Variants in MYH13 observed in about 807,000 individuals in gnomAD.
MYH13 encodes the protein myosin-13.
Under a neutral mutation model 232.1 loss-of-function variants are expected in MYH13, and 177 were observed. The ratio of observed to expected loss-of-function variants is 0.76; its 90% CI spans 0.67 to 0.86. The LOEUF (loss-of-function observed/expected upper bound fraction) is 0.86. MYH13 is among the 40% of genes least tolerant of loss of function. The pLI is 0.00. For synonymous variants in MYH13, 884 were observed against 923.5 expected, an observed-to-expected ratio of 0.96 and a Z score of 0.78; for missense variants, 2,246 against 2,405.9, an observed-to-expected ratio of 0.93 and a Z score of 1.39.
chr17:10,310,762 T>C (rs1447149003), intron 33 of MYH13, among the ~76,000 whole-genome samples: 1 of 152,210 alleles, frequency 6.6e-6, no homozygotes, highest in Non-Finnish European at 1.5e-5. Flanking sequence ...ACAGGATTCT[T>C]GATAGCCAAA....
chr17:10,360,100 G>T (rs1259168760), intron 6 of MYH13, 29 bp from the exon 7 acceptor site: 1 of 1,613,916 alleles, frequency 6.2e-7, no homozygotes, highest in African/African-American at 1.3e-5. Flanking sequence ...ACGGGATAAA[G>T]GAGAGTGGAA....
intron 5 of MYH13, among the ~76,000 whole-genome samples, chr17:10,361,746 G>C (rs548726363): frequency 1.3e-5 from 2 of 152,200 alleles, no homozygotes; most frequent in African/African-American, 2.4e-5. Context: ...GCCTGAGTTT[G>C]GGGAAGAACG....
intron 21 of MYH13, among the ~76,000 whole-genome samples, chr17:10,329,847 C>T (rs908237671): frequency 1.3e-5 from 2 of 151,900 alleles, no homozygotes; most frequent in African/African-American, 4.8e-5. Context: ...AAACAAAAAA[C>T]AAAATAGCCG....
At chr17:10,320,033 ATCT>A (rs1906874893) in intron 26 of MYH13, 117 bp downstream of exon 26, 23 of 741,618 alleles carry the variant, frequency 3.1e-5, no homozygotes, top group South Asian at 2.8e-4. Context: ...ATGACAGGAC[ATCT>A]TCTCTAGCTT....
intron 18 of MYH13, among the ~76,000 whole-genome samples, chr17:10,335,719 C>T (rs2071568087): frequency 6.6e-6 from 1 of 151,876 alleles, no homozygotes; most frequent in South Asian, 2.1e-4. Flanking sequence ...GGCGCCACTG[C>T]ACTCCAGCCT....
At chr17:10,302,727 G>C (rs569935364) in intron 39 of MYH13, among the ~76,000 whole-genome samples, 1 of 152,246 alleles carries the variant, frequency 6.6e-6, no homozygotes, top group African/African-American at 2.4e-5. Flanking sequence ...AAAAAGGATG[G>C]GATGGAGTGG....
intron 11 of MYH13, among the ~76,000 whole-genome samples, chr17:10,351,489 C>A (rs1375202491): frequency 6.6e-6 from 1 of 152,070 alleles, no homozygotes; most frequent in South Asian, 2.1e-4. Flanking sequence ...CATCATTTCC[C>A]AAATGAGAAA....
rs866893623 is a variant in MYH13, at chr17:10,309,812, C to T, written c.4675G>A (p.Glu1559Lys). 6.3e-7 allele frequency: 1 copy of T among 1,582,982 alleles called. No homozygotes were observed. Among genetic ancestry groups the T allele is most frequent in the Non-Finnish European group, 8.6e-7 (1 of 1,163,302 alleles). ...EEVEGSLEHE[E>K]SKILRVQLEL... ...AGCTGCACGCGCAAGATCTTGCTCT[C>T]CTCGTGTTCCAAGGAACCCTGACGA... The change falls in exon 34 of 41, where the codon GAG becomes AAG. Residue 1559 changes from glutamate (E) to lysine (K), a missense_variant. By Grantham distance (56) the Glu-to-Lys change is moderately conservative. Coordinates refer to ENST00000252172, the MANE Select transcript of MYH13 (RefSeq NM_003802.3).
At chr17:10,301,546 A>G (rs1339053684) in intron 40 of MYH13, 23 bp downstream of exon 40, 3 of 1,613,666 alleles carry the variant, frequency 1.9e-6, no homozygotes, top group Non-Finnish European at 1.7e-6. Flanking sequence ...GCTGGCCCCT[A>G]TATCTCAGGT....
chr17:10,323,105 C>T (rs1042199285), intron 23 of MYH13, among the ~76,000 whole-genome samples: 10 of 152,138 alleles, frequency 6.6e-5, no homozygotes, highest in African/African-American at 2.4e-4. Flanking sequence ...AGCTGTCTCC[C>T]GCAAGCAATG....
At chr17:10,303,542 AG>A in intron 37 of MYH13, 44 bp from the exon 38 acceptor site, 1 of 1,558,688 alleles carries the variant, frequency 6.4e-7, no homozygotes, top group Non-Finnish European at 8.9e-7. Flanking sequence ...CTCCTCTCCC[AG>A]GCTTCTCTCA....
intron 2 of MYH13, among the ~76,000 whole-genome samples, chr17:10,367,881 T>A (rs2071849232): frequency 6.6e-6 from 1 of 152,216 alleles, no homozygotes; most frequent in South Asian, 2.1e-4. Context: ...CCTTTTCAAA[T>A]AATTGTGAAT....
In MYH13 at chr17:10,340,166, A is replaced by G. The variant is rs1191745959; in HGVS notation, c.2040T>C (p.Asn680=). 5 of 1,613,592 alleles carry G rather than the reference A, an allele frequency of 3.1e-6. No individual in the cohort carries two copies. Among genetic ancestry groups the G allele is most frequent in the Non-Finnish European group, 4.2e-6 (5 of 1,179,780 alleles). ...GGTACTCACCAGGAGTCTTGGTCTC[A>G]TTGGGAATCAGACATCGTACAAAGT... ...HPHFVRCLIP[N]ETKTPGVMDH... The change falls in exon 18 of 41, where the codon AAT becomes AAC. Residue 680 remains asparagine, a synonymous_variant. Transcript: ENST00000252172.
chr17:10,358,440 A>G (rs9674704), intron 7 of MYH13, among the ~76,000 whole-genome samples: 34,803 of 152,054 alleles, frequency 0.23, 4,713 homozygotes, highest in Non-Finnish European at 0.3. Context: ...TGGTCCCTGG[A>G]CCAGCAGCAT....
At chr17:10,326,152 A>G (rs1907190734) in intron 22 of MYH13, among the ~76,000 whole-genome samples, 1 of 152,178 alleles carries the variant, frequency 6.6e-6, no homozygotes. Context: ...GACTATGCCC[A>G]TTTTACAGAC....
In MYH13 at chr17:10,362,381, G is replaced by A. The variant is rs369927561; in HGVS notation, c.327C>T (p.Arg109=). 10 of 1,614,080 alleles carry A rather than the reference G, an allele frequency of 6.2e-6. No individual in the cohort carries two copies. The highest frequency in any genetic ancestry group is 8.5e-6 in the Non-Finnish European group (10 of 1,180,054). Residue 109 remains arginine, a synonymous_variant, in exon 4 of 41, where the codon CGC becomes CGT. Transcript: ENST00000252172. ...EPAVLYNLKE[R]YAAWMIYTYS... Reference sequence around the variant, plus strand: ...TCACGTAGATCATCCAGGCTGCATAGCGCTCTTTGAGGTTGTACAGAACAG... The same window carrying A: ...TCACGTAGATCATCCAGGCTGCATAACGCTCTTTGAGGTTGTACAGAACAG...
intron 35 of MYH13, 32 bp from the exon 36 acceptor site, chr17:10,307,096 G>T (rs532905072): frequency 1.2e-6 from 2 of 1,609,846 alleles, no homozygotes; most frequent in South Asian, 1.1e-5. Flanking sequence ...AGGGGTGTGG[G>T]TTCTATTGGG....
At chr17:10,308,443 C>CTTTTTTTTTTTTTTT (rs57432823) in intron 35 of MYH13, among the ~76,000 whole-genome samples, 1 of 113,110 alleles carries the variant, frequency 8.8e-6, no homozygotes, top group Non-Finnish European at 1.7e-5. Flanking sequence ...TTAATTAAAA[C>CTTTTTTTTTTTTTTT]TTTTTTTTTT....
Position 10,315,896 on chromosome 17 carries a change from C to T in MYH13, c.3865+3G>A, listed in dbSNP as rs1259984651. On this transcript the variant is annotated splice_donor_region_variant and intron_variant, in intron 28 of 40. Transcript: ENST00000252172. Reference sequence around the variant, plus strand: ...CTGGACCCAGAGCCCTGCCCATTCTCACCATTTTGGGTCTGCAGTCTTGCT... The same window carrying T: ...CTGGACCCAGAGCCCTGCCCATTCTTACCATTTTGGGTCTGCAGTCTTGCT... 8.1e-6 allele frequency: 13 copies of T among 1,614,022 alleles called. No homozygotes were observed. Among genetic ancestry groups the T allele is most frequent in the Admixed American group, 1.7e-5 (1 of 60,032 alleles).
Sources: gnomAD v4.1 joint callset for allele counts (sites outside exome capture counted in the v4.1 genomes callset) on GRCh38, gnomAD v4.1.1 for gene constraint, MANE v1.5 for transcripts, NCBI Gene and HGNC (gene_info 2026-07-23, HGNC 2026-07-21) for gene names.